Variants in RFX1 observed in about 807,000 individuals in gnomAD.
RFX1 encodes regulatory factor X1, also known as MHC class II regulatory factor RFX1.
RFX1 carries 42 observed loss-of-function variants against 119.6 expected under a neutral mutation model. That is an observed-to-expected ratio of 0.35 (90% CI 0.27 to 0.45). RFX1 has a LOEUF of 0.45. RFX1 is among the 20% of genes least tolerant of loss of function. The pLI is 1.00. For synonymous variants in RFX1, 628 were observed against 618.5 expected, an observed-to-expected ratio of 1.02 and a Z score of -0.23; for missense variants, 1,118 against 1,368.1, an observed-to-expected ratio of 0.82 and a Z score of 2.88.
At position 13,993,702 on chromosome 19, in the gene RFX1, C is replaced by A; in HGVS notation, c.142G>T (p.Ala48Ser). 1 of 1,557,984 alleles carries A rather than the reference C, an allele frequency of 6.4e-7. No homozygotes were observed. The highest frequency in any genetic ancestry group is 1.2e-5 in the South Asian group (1 of 84,792). Residue 48 changes from alanine to serine, a missense_variant, in exon 2 of 21, where the codon GCC (alanine) becomes TCC (serine). By Grantham distance (99) the Ala-to-Ser change is moderately conservative (BLOSUM62 1). Coordinates refer to ENST00000254325, the MANE Select transcript of RFX1 (RefSeq NM_002918.5). ...PQPPQPPTAA[A>S]TPQPQYVTEL... ...GTGACATATTGGGGCTGAGGGGTGGCAGCAGCGGTGGGTGGCTGCGGGGGC... is the reference window on the plus strand; with the variant it reads ...GTGACATATTGGGGCTGAGGGGTGGAAGCAGCGGTGGGTGGCTGCGGGGGC...
At chr19:13,996,007 C>T (rs1217323528) in intron 1 of RFX1, among the ~76,000 whole-genome samples, 2 of 152,082 alleles carry the variant, frequency 1.3e-5, no homozygotes, top group African/African-American at 4.8e-5. Context: ...TGCACTCCAG[C>T]CTCAGTGACA....
intron 1 of RFX1, among the ~76,000 whole-genome samples, chr19:14,001,578 A>G (rs559959180): frequency 6.6e-6 from 1 of 152,300 alleles, no homozygotes; most frequent in East Asian, 1.9e-4. Flanking sequence ...TGGGATTACA[A>G]GCATAAGCCA....
intron 5 of RFX1, among the ~76,000 whole-genome samples, chr19:13,981,015 G>A (rs1172224324): frequency 6.6e-6 from 1 of 152,234 alleles, no homozygotes; most frequent in Non-Finnish European, 1.5e-5. Flanking sequence ...AGCAGCCTCT[G>A]GTGTGATATT....
chr19:13,963,901 TG>T lies in RFX1; in HGVS notation c.2317del (p.Gln773ArgfsTer3). On this transcript the variant is annotated frameshift_variant, in exon 17 of 21. Coordinates refer to ENST00000254325, the MANE Select transcript of RFX1 (RefSeq NM_002918.5). LOFTEE classifies it high-confidence loss of function. ...CACGCGGTTGAGGTCGCTCAGCATC[TG>T]GTTGATCTGTGCGGTGTTCTGCAGC... ...AVLQNTAQIN[Q>X]MLSDLNRVDF... is the part of the protein sequence containing the mutation. 1 of 1,548,564 alleles carries T rather than the reference TG, an allele frequency of 6.5e-7. No homozygotes were observed. The highest frequency in any genetic ancestry group is 8.7e-7 in the Non-Finnish European group (1 of 1,147,978).
chr19:13,986,835 A>G lies in RFX1; in HGVS notation c.320-3240T>C, dbSNP rs1974613842. On this transcript the variant is annotated intron_variant, in intron 2 of 20. Transcript: ENST00000254325. This position sits in a 1 kb window ranked among gnomAD's most constrained non-coding sequence, Gnocchi z 4.2. ...CTTGGGGGAGCCCAGGGGAGGCCCT[A>G]GAGGCTGGACTCCTGGCATCCACCC... Among the ~76,000 whole-genome samples, 5 of 152,180 alleles carry G rather than the reference A, an allele frequency of 3.3e-5. No individual in the cohort carries two copies. In the Middle Eastern group the frequency reaches 0.017, roughly 518 times the overall value.
At chr19:13,983,291 G>T (rs866695574) in intron 3 of RFX1, 21 bp from the exon 4 acceptor site, 1 of 1,531,430 alleles carries the variant, frequency 6.5e-7, no homozygotes, top group Non-Finnish European at 8.8e-7. Flanking sequence ...AAGGCAGGAG[G>T]AGCTGAGCTG....
chr19:14,000,839 A>T (rs1975192761), intron 1 of RFX1, among the ~76,000 whole-genome samples: 1 of 152,138 alleles, frequency 6.6e-6, no homozygotes, highest in East Asian at 1.9e-4. Flanking sequence ...TCACGCCTGT[A>T]ATCTCAGCAC....
Position 13,983,488 on chromosome 19 carries a change from G to C in RFX1, c.427C>G (p.Gln143Glu), listed in dbSNP as rs779377898. The C allele has an allele frequency of 1.2e-6, 2 of 1,603,758 alleles. No homozygotes were observed. Among genetic ancestry groups the C allele is most frequent in the Admixed American group, 1.7e-5 (1 of 59,154 alleles). ...CCCCTGGGAGGGCCACATCCTACCT[G>C]CTGGGTGCCCTGCACCTGCTGAACC... ...QVVQQVQGTQ[Q>E]RLLVQTSVQA... The change falls in exon 3 of 21, where the codon CAG becomes GAG. Residue 143 changes from glutamine to glutamate, a missense_variant and splice_region_variant. Around this residue, in one of 5 missense-constraint regions of RFX1, gnomAD observed 542 missense variants for 602.7 expected, o/e 0.90. Coordinates refer to ENST00000254325, the MANE Select transcript of RFX1 (RefSeq NM_002918.5).
In RFX1 at chr19:13,978,631, G is replaced by A. The variant is rs960749577; in HGVS notation, c.835-545C>T. On this transcript the variant is annotated intron_variant, in intron 7 of 20. Coordinates refer to ENST00000254325, the MANE Select transcript of RFX1 (RefSeq NM_002918.5). Reference sequence around the variant, plus strand: ...GTGGGGAGTCAGAGGCGGGTCCCTAGACCGACCCGTCGGGCGGAGGTGGGG... The same window carrying A: ...GTGGGGAGTCAGAGGCGGGTCCCTAAACCGACCCGTCGGGCGGAGGTGGGG... 1.1e-4 allele frequency among the ~76,000 whole-genome samples: 16 copies of A among 152,260 alleles called. No individual in the cohort carries two copies. In the East Asian group the frequency reaches 3.1e-3, roughly 29 times the overall value.
Position 13,980,571 on chromosome 19 carries a change from A to T in RFX1, c.738+2T>A. 6.4e-7 allele frequency: 1 copy of T among 1,559,012 alleles called. No homozygotes were observed. The highest frequency in any genetic ancestry group is 8.6e-7 in the Non-Finnish European group (1 of 1,157,486). On this transcript the variant is annotated splice_donor_variant, in intron 6 of 20. Transcript: ENST00000254325. LOFTEE classifies it high-confidence loss of function. This position sits in a 1 kb window ranked among gnomAD's most constrained non-coding sequence, Gnocchi z 5.1. The stretch of plus-strand genomic sequence containing the variant: ...GAGCCACTGCCCGCCTTGGCCTGGC[A>T]CCTCTTGGGTGACGGGGACACTCTG...
At position 13,966,804 on chromosome 19, in the gene RFX1, C is replaced by G; in HGVS notation, c.1733-53G>C. The G allele has an allele frequency of 7.9e-7, 1 of 1,269,246 alleles. No homozygotes were observed. The highest frequency in any genetic ancestry group is 1.1e-6 in the Non-Finnish European group (1 of 895,430). 78.6% of individuals were successfully genotyped at this position (1,269,246 alleles called of 1,614,324 possible). A position where few individuals can be genotyped will look rare whatever the true frequency, so the allele number is the denominator to read the frequency against. Reference sequence around the variant, plus strand: ...CCTTCATCCCCCTTGCCTGCCCACCCTGGGGTCCTACTGACCTGTCCGTTT... The same window carrying G: ...CCTTCATCCCCCTTGCCTGCCCACCGTGGGGTCCTACTGACCTGTCCGTTT... On this transcript the variant is annotated intron_variant, in intron 12 of 20. Transcript: ENST00000254325. The surrounding 1 kb of genome is among the most constrained non-coding windows in gnomAD (Gnocchi z 6.3).
rs1420854756 is a variant in RFX1 at position 13,970,160 on chromosome 19, C to G, written c.1330G>C (p.Asp444His). 6.2e-7 allele frequency: 1 copy of G among 1,608,490 alleles called. No individual in the cohort carries two copies. The highest frequency in any genetic ancestry group is 2.2e-5 in the East Asian group (1 of 44,774). ...ASPATVQWLL[D>H]NYETAEGVSL... ...ACGCCCTCAGCCGTCTCATAGTTGT[C>G]CAGGAGCCACTGGACCTGGGGTGGG... Residue 444 changes from aspartate to histidine, a missense_variant, in exon 10 of 21, where the codon GAC (aspartate) becomes CAC (histidine). Asp to His is a moderately conservative substitution (Grantham distance 81, BLOSUM62 -1). Transcript: ENST00000254325.
intron 1 of RFX1, among the ~76,000 whole-genome samples, chr19:13,997,368 A>G (rs1420230057): frequency 1.3e-5 from 2 of 152,136 alleles, no homozygotes; most frequent in African/African-American, 2.4e-5. Flanking sequence ...TTTTGAGGAG[A>G]GCCCCTACGG....
chr19:13,984,249 C>T (rs910383999), intron 2 of RFX1, among the ~76,000 whole-genome samples: 11 of 142,864 alleles, frequency 7.7e-5, no homozygotes, highest in East Asian at 4.7e-4. Flanking sequence ...TCCGCCTGTC[C>T]GTCCAGGGGG....
chr19:13,988,720 G>A (rs2145608717), intron 2 of RFX1, among the ~76,000 whole-genome samples: 1 of 152,298 alleles, frequency 6.6e-6, no homozygotes, highest in Non-Finnish European at 1.5e-5. Flanking sequence ...TTCAAGTAGT[G>A]TTAAGTGTTA....
chr19:13,975,060 A>AAG (rs1974212615), intron 8 of RFX1, among the ~76,000 whole-genome samples: 2 of 136,390 alleles, frequency 1.5e-5, no homozygotes, highest in Non-Finnish European at 1.6e-5. Flanking sequence ...AAAAAAAAAA[A>AAG]GGGAGGGGGG....
rs1232350807 is a variant in RFX1 at position 13,963,014 on chromosome 19, T to C, written c.2750A>G (p.Asn917Ser). 5 of 1,553,168 alleles carry C rather than the reference T, an allele frequency of 3.2e-6. No individual in the cohort carries two copies. In the Admixed American group the frequency reaches 9.8e-5, roughly 30 times the overall value. The change falls in exon 20 of 21, where the codon AAC (asparagine) becomes AGC (serine). Residue 917 changes from asparagine (N) to serine (S), a missense_variant. Around this residue, in one of 5 missense-constraint regions of RFX1, gnomAD observed 138 missense variants for 117.8 expected, o/e 1.17. Transcript: ENST00000254325. ...GEFANLATSL[N>S]PLDPDKDEEE... ...CCTACCTTTGTCGGGGTCCAGGGGG[T>C]TCAGGGAGGTGGCCAGATTGGCGAA... is the stretch of plus-strand genomic sequence containing the variant.
chr19:13,991,421 C>T (rs1282511663), intron 2 of RFX1, among the ~76,000 whole-genome samples: 9 of 152,276 alleles, frequency 5.9e-5, no homozygotes, highest in Admixed American at 3.9e-4. Context: ...GCAGCCCGAC[C>T]TCAACCAGGG....
At chr19:13,975,361 CA>C (rs59604119) in intron 8 of RFX1, among the ~76,000 whole-genome samples, 653 of 120,208 alleles carry the variant, frequency 5.4e-3, no homozygotes, top group African/African-American at 7.9e-3. Flanking sequence ...AACTCTATCT[CA>C]AAAAAAAAAA....
Sources: gnomAD v4.1 joint callset for allele counts (sites outside exome capture counted in the v4.1 genomes callset) on GRCh38, gnomAD v4.1.1 for gene constraint, gnomAD v4.1.1 regional missense constraint, Gnocchi (gnomAD v3.1) non-coding constraint, MANE v1.5 for transcripts, NCBI Gene and HGNC (gene_info 2026-07-23, HGNC 2026-07-21) for gene names.